The following MPP4 variants were observed in gnomAD, a reference collection of about 807,000 sequenced individuals.
The protein encoded by MPP4 is MAGUK p55 subfamily member 4.
In MPP4, 91 loss-of-function variants were observed where a neutral mutation model predicts 98.3. The ratio of observed to expected loss-of-function variants is 0.93; its 90% CI spans 0.78 to 1.10. MPP4 has a LOEUF of 1.10. Ranked by LOEUF, MPP4 falls within the 50% of genes least tolerant of loss-of-function variation. MPP4 has a pLI of 0.00. For synonymous variants in MPP4, 261 were observed against 271.8 expected, an observed-to-expected ratio of 0.96 and a Z score of 0.39; for missense variants, 744 against 792.9, an observed-to-expected ratio of 0.94 and a Z score of 0.74.
intron 15 of MPP4, among the ~76,000 whole-genome samples, chr2:201,659,910 C>T (rs967702063): frequency 2.6e-5 from 4 of 151,948 alleles, no homozygotes; most frequent in Admixed American, 2.6e-4. Flanking sequence ...TTTTTCTTAA[C>T]CTTTTTTTTT....
At chr2:201,664,860 T>C (rs1688127096) in intron 13 of MPP4, among the ~76,000 whole-genome samples, 4 of 152,120 alleles carry the variant, frequency 2.6e-5, no homozygotes, top group Admixed American at 2.0e-4. Context: ...TGTATAAGTA[T>C]ACAATAACCA....
At chr2:201,660,294 A>G (rs2105919758) in intron 15 of MPP4, 38 bp downstream of exon 15, 1 of 1,559,270 alleles carries the variant, frequency 6.4e-7, no homozygotes, top group Non-Finnish European at 8.8e-7. Context: ...TCTTAAACAT[A>G]GTTCTATTTG....
At chr2:201,692,809 A>C in intron 3 of MPP4, 99 bp downstream of exon 3, 1 of 1,484,372 alleles carries the variant, frequency 6.7e-7, no homozygotes, top group Non-Finnish European at 9.0e-7. Flanking sequence ...TTTATAAACT[A>C]TTCCACTATC....
intron 11 of MPP4, among the ~76,000 whole-genome samples, chr2:201,671,227 TC>T (rs1688334784): frequency 6.6e-6 from 1 of 151,834 alleles, no homozygotes; most frequent in Non-Finnish European, 1.5e-5. Context: ...AACCGTTTGC[TC>T]CCCTGGAAAA....
At chr2:201,646,175 T>C (rs1687555142) in intron 21 of MPP4, among the ~76,000 whole-genome samples, 1 of 152,182 alleles carries the variant, frequency 6.6e-6, no homozygotes, top group Admixed American at 6.5e-5. Flanking sequence ...ACCTAAACAC[T>C]TGAAACTTTT....
intron 9 of MPP4, 70 bp downstream of exon 9, chr2:201,681,426 C>A: frequency 8.3e-7 from 1 of 1,211,794 alleles, no homozygotes; most frequent in Non-Finnish European, 1.2e-6. Flanking sequence ...AGGATTATTA[C>A]GCATCATATT....
chr2:201,678,336 T>C (rs1688573505), intron 10 of MPP4, among the ~76,000 whole-genome samples: 1 of 152,132 alleles, frequency 6.6e-6, no homozygotes, highest in Non-Finnish European at 1.5e-5. Context: ...CCCTGTGCTT[T>C]AATCCCTATA....
At chr2:201,669,994 C>T (rs990861559) in intron 11 of MPP4, among the ~76,000 whole-genome samples, 2 of 152,276 alleles carry the variant, frequency 1.3e-5, no homozygotes, top group East Asian at 1.9e-4. Context: ...TGGTAAATCC[C>T]GCCTTCTTCC....
chr2:201,687,064 G>C (rs1688859258), intron 5 of MPP4, among the ~76,000 whole-genome samples: 2 of 152,340 alleles, frequency 1.3e-5, no homozygotes, highest in South Asian at 4.1e-4. Flanking sequence ...ACCATGGAAA[G>C]TTCTGGATGC....
intron 18 of MPP4, among the ~76,000 whole-genome samples, chr2:201,653,928 G>C (rs1388365941): frequency 1.3e-5 from 2 of 152,080 alleles, no homozygotes; most frequent in Non-Finnish European, 2.9e-5. Context: ...TAGTAGTAAA[G>C]GGGGAGCTTA....
chr2:201,687,390 T>C lies in MPP4; in HGVS notation c.280-19A>G, dbSNP rs1275006049. ...CCACTACCTGGTTCATGGAAAAGGA[T>C]ACATTATAAAAATTTTAAAAAATCT... is the stretch of plus-strand genomic sequence containing the variant. On this transcript the variant is annotated intron_variant, in intron 4 of 21. Coordinates refer to ENST00000409474, the MANE Select transcript of MPP4 (RefSeq NM_033066.3). 6.4e-7 allele frequency: 1 copy of C among 1,550,860 alleles called. No homozygotes were observed. Among genetic ancestry groups the C allele is most frequent in the Non-Finnish European group, 8.7e-7 (1 of 1,144,920 alleles).
chr2:201,671,220 C>T (rs1012398722), intron 11 of MPP4, among the ~76,000 whole-genome samples: 11 of 152,002 alleles, frequency 7.2e-5, no homozygotes, highest in African/African-American at 2.4e-4. Context: ...AAGACAGAAC[C>T]GTTTGCTCCC....
At chr2:201,660,300 A>C in intron 15 of MPP4, 32 bp downstream of exon 15, 1 of 1,580,960 alleles carries the variant, frequency 6.3e-7, no homozygotes, top group Non-Finnish European at 8.7e-7. Flanking sequence ...ACATAGTTCT[A>C]TTTGGTATAT....
intron 8 of MPP4, 115 bp downstream of exon 8, chr2:201,682,716 G>A (rs1205561445): frequency 1.1e-5 from 9 of 820,870 alleles, no homozygotes; most frequent in Non-Finnish European, 1.8e-5. Flanking sequence ...GGAGAAAGCT[G>A]CCAAGAGAAC....
At chr2:201,658,917 C>T (rs551923800) in intron 15 of MPP4, among the ~76,000 whole-genome samples, 1 of 152,162 alleles carries the variant, frequency 6.6e-6, no homozygotes, top group Admixed American at 6.5e-5. Context: ...CCCTCCCTGC[C>T]TACCCCCCTG....
chr2:201,655,317 GAA>G (rs1176351053), intron 17 of MPP4, among the ~76,000 whole-genome samples: 1 of 152,192 alleles, frequency 6.6e-6, no homozygotes, highest in Non-Finnish European at 1.5e-5. Context: ...GTGACTTACA[GAA>G]TTCAGGGGCA....
chr2:201,664,865 T>A (rs1688127275), intron 13 of MPP4, among the ~76,000 whole-genome samples: 1 of 152,104 alleles, frequency 6.6e-6, no homozygotes, highest in South Asian at 2.1e-4. Context: ...AAGTATACAA[T>A]AACCAATAAG....
rs546482244 is a variant in MPP4, at chr2:201,691,154, C to G, written c.202-875G>C. Among the ~76,000 whole-genome samples the G allele has an allele frequency of 6.6e-5, 10 of 152,298 alleles. No homozygotes were observed. In the East Asian group the frequency reaches 1.2e-3, roughly 18 times the overall value. On this transcript the variant is annotated intron_variant, in intron 3 of 21. Coordinates refer to ENST00000409474, the MANE Select transcript of MPP4 (RefSeq NM_033066.3). ...AGTGGTGAGCAAAGGCAATGCCCAT[C>G]ATGAAATTAAAACTCCTATCTTAGC...
rs779913349 is a variant in MPP4 at position 201,645,260 on chromosome 2, GCTC to G, written c.1861_1863del (p.Glu621del). ...ATCCATGTTGCTGGTACCCACTGAG[GCTC>G]CTCCTGAGCCTTCTGTATGGCAGAC... On this transcript the variant is annotated inframe_deletion, in exon 22 of 22. Coordinates refer to ENST00000409474, the MANE Select transcript of MPP4 (RefSeq NM_033066.3). 15 of 1,613,774 alleles carry G rather than the reference GCTC, an allele frequency of 9.3e-6. No homozygotes were observed. The highest frequency in any genetic ancestry group is 8.5e-6 in the Non-Finnish European group (10 of 1,179,758).
Sources: allele counts gnomAD v4.1 joint callset (sites outside exome capture counted in the v4.1 genomes callset), GRCh38; gene constraint gnomAD v4.1.1; transcripts MANE v1.5; gene names NCBI Gene and HGNC (gene_info 2026-07-23, HGNC 2026-07-21).